The following RAB3C variants were observed in gnomAD, a reference collection of about 807,000 sequenced individuals.
RAB3C encodes the protein RAB3C, member RAS oncogene family.
RAB3C carries 17 observed loss-of-function variants against 26.4 expected under a neutral mutation model. That is an observed-to-expected ratio of 0.64 (90% confidence interval 0.44 to 0.97). The LOEUF is 0.97. Ranked by LOEUF, RAB3C falls within the 50% of genes least tolerant of loss-of-function variation. The pLI is 0.00. For missense variants in RAB3C, 242 were observed against 281.9 expected (o/e 0.86, Z 1.01); for synonymous variants, 91 against 95.9 (o/e 0.95, Z 0.30).
At chr5:58,598,628 G>C (rs891980835) in intron 1 of RAB3C, among the ~76,000 whole-genome samples, 4 of 152,046 alleles carry the variant, frequency 2.6e-5, no homozygotes, top group Admixed American at 6.6e-5. Flanking sequence ...CTTTGGCTAC[G>C]TTCTCCTCCT....
chr5:58,612,070 A>T (rs770866643), intron 1 of RAB3C, among the ~76,000 whole-genome samples: 1 of 151,824 alleles, frequency 6.6e-6, no homozygotes, highest in African/African-American at 2.4e-5. Flanking sequence ...TGGGTTCTCT[A>T]TTCTGTTCCA....
rs959344139 is a variant in RAB3C, at chr5:58,854,965, C to T, written c.*3614C>T. ...TCAATTTTAAATACATCTATGCTGA[C>T]GATAGACTTTCGGGTATATACAACC... On this transcript the variant is annotated 3_prime_UTR_variant, in exon 5 of 5. Transcript: ENST00000282878. 15 of 152,086 alleles carry T rather than the reference C, an allele frequency of 9.9e-5. No individual in the cohort carries two copies. The highest frequency in any genetic ancestry group is 3.1e-4 in the African/African-American group (13 of 41,416). 9.4% of individuals were successfully genotyped at this position (152,086 alleles called of 1,614,324 possible).
intron 2 of RAB3C, among the ~76,000 whole-genome samples, chr5:58,695,717 C>G (rs796295477): frequency 2.0e-5 from 3 of 151,128 alleles, no homozygotes; most frequent in South Asian, 4.2e-4. Context: ...TGATTTGGCT[C>G]TCTGTTTGTC....
intron 2 of RAB3C, among the ~76,000 whole-genome samples, chr5:58,711,087 A>G (rs937527848): frequency 6.6e-6 from 1 of 152,238 alleles, no homozygotes; most frequent in Non-Finnish European, 1.5e-5. Flanking sequence ...TCATGAAAAG[A>G]ATTTAATTGC....
intron 2 of RAB3C, among the ~76,000 whole-genome samples, chr5:58,660,438 G>A (rs904736329): frequency 6.7e-5 from 10 of 150,130 alleles, no homozygotes; most frequent in East Asian, 1.9e-4. Context: ...ATGAGAGGAC[G>A]ACGTAAATAG....
At chr5:58,604,839 C>T (rs542963180) in intron 1 of RAB3C, among the ~76,000 whole-genome samples, 17 of 152,224 alleles carry the variant, frequency 1.1e-4, no homozygotes, top group Middle Eastern at 3.4e-3. Flanking sequence ...AGATTTTTGC[C>T]CTATTAAAAT....
chr5:58,707,002 G>A (rs1158131791), intron 2 of RAB3C, among the ~76,000 whole-genome samples: 2 of 152,114 alleles, frequency 1.3e-5, no homozygotes, highest in Non-Finnish European at 2.9e-5. Context: ...TTTGTTGTTC[G>A]ATTGCCTTGG....
intron 2 of RAB3C, among the ~76,000 whole-genome samples, chr5:58,702,533 G>C (rs933193050): frequency 2.9e-4 from 44 of 152,128 alleles, no homozygotes; most frequent in African/African-American, 1.0e-3. Flanking sequence ...TATTGTCTCT[G>C]TTATAGCACT....
At chr5:58,809,318 G>A (rs1217984076) in intron 3 of RAB3C, among the ~76,000 whole-genome samples, 1 of 149,790 alleles carries the variant, frequency 6.7e-6, no homozygotes, top group African/African-American at 2.5e-5. Flanking sequence ...TGTGCCAGAA[G>A]CCTCCTTGAA....
chr5:58,768,070 C>T (rs999171311), intron 3 of RAB3C, among the ~76,000 whole-genome samples: 1 of 151,988 alleles, frequency 6.6e-6, no homozygotes, highest in African/African-American at 2.4e-5. Context: ...AGTGAACCTC[C>T]AGAACAGCAA....
chr5:58,623,930 C>T (rs1276081090), intron 2 of RAB3C, among the ~76,000 whole-genome samples: 1 of 152,056 alleles, frequency 6.6e-6, no homozygotes, highest in Non-Finnish European at 1.5e-5. Context: ...TCCATTTCCT[C>T]GTTTATGTAG....
chr5:58,696,542 G>A (rs533796670), intron 2 of RAB3C, among the ~76,000 whole-genome samples: 13 of 152,060 alleles, frequency 8.5e-5, no homozygotes, highest in Admixed American at 5.2e-4. Context: ...CTGTGAATCC[G>A]TCTGGTCCTG....
intron 4 of RAB3C, among the ~76,000 whole-genome samples, chr5:58,833,403 T>A (rs1743665602): frequency 6.6e-6 from 1 of 150,568 alleles, no homozygotes; most frequent in Non-Finnish European, 1.5e-5. Flanking sequence ...GGTACAAACA[T>A]GAGTGTTTTT....
At chr5:58,791,233 C>T (rs188303119) in intron 3 of RAB3C, among the ~76,000 whole-genome samples, 1 of 152,260 alleles carries the variant, frequency 6.6e-6, no homozygotes, top group East Asian at 1.9e-4. Context: ...GCTTACTGGA[C>T]CCAGGCTTGA....
chr5:58,741,261 T>C (rs1410188084), intron 3 of RAB3C, among the ~76,000 whole-genome samples: 1 of 152,182 alleles, frequency 6.6e-6, no homozygotes, highest in East Asian at 1.9e-4. Context: ...CAAGCTCTAG[T>C]GTCCAGAGAG....
At chr5:58,806,739 G>C (rs73088950) in intron 3 of RAB3C, among the ~76,000 whole-genome samples, 8,578 of 152,114 alleles carry the variant, frequency 0.056, 697 homozygotes, top group African/African-American at 0.18. Context: ...TGTCACTGGG[G>C]AACAAAATCA....
intron 3 of RAB3C, among the ~76,000 whole-genome samples, chr5:58,806,685 G>A (rs1350350743): frequency 2.0e-5 from 3 of 152,084 alleles, no homozygotes; most frequent in Admixed American, 1.3e-4. Context: ...CCTTCCCTCA[G>A]TCATCACAAC....
chr5:58,655,797 T>C (rs892102745), intron 2 of RAB3C, among the ~76,000 whole-genome samples: 1 of 139,864 alleles, frequency 7.1e-6, no homozygotes, highest in African/African-American at 2.7e-5. Flanking sequence ...CTCTTTTTTT[T>C]TTTTTTTTTT....
chr5:58,584,585 A>AG (rs1402229051), intron 1 of RAB3C, among the ~76,000 whole-genome samples: 3 of 152,204 alleles, frequency 2.0e-5, no homozygotes, highest in Non-Finnish European at 4.4e-5. Context: ...TACTACCAGG[A>AG]GCCAACTGGC....
Sources: allele counts gnomAD v4.1 joint callset (sites outside exome capture counted in the v4.1 genomes callset), GRCh38; gene constraint gnomAD v4.1.1; transcripts MANE v1.5; gene names NCBI Gene and HGNC (gene_info 2026-07-23, HGNC 2026-07-21).